DOCK7: variants seen among roughly 807,000 people sequenced by gnomAD.
The protein encoded by DOCK7 is dedicator of cytokinesis 7.
A neutral mutation model predicts 271.0 loss-of-function variants in DOCK7; 138 were observed. The observed-to-expected ratio is 0.51, with a 90% CI of 0.44 to 0.59. The LOEUF (loss-of-function observed/expected upper bound fraction) is 0.59. Ranked by LOEUF, DOCK7 falls within the 20% of genes least tolerant of loss-of-function variation. DOCK7 has a pLI of 0.00. For synonymous variants in DOCK7, 823 were observed against 876.1 expected, an observed-to-expected ratio of 0.94 and a Z score of 1.07; for missense variants, 2,066 against 2,592.4, an observed-to-expected ratio of 0.80 and a Z score of 4.41.
rs1645458484 is a variant in DOCK7 at position 62,539,570 on chromosome 1, C to T, written c.3275G>A (p.Ser1092Asn). Residue 1092 changes from serine to asparagine, a missense_variant, in exon 27 of 50, where the codon AGC becomes AAC. Coordinates refer to ENST00000635253, the MANE Select transcript of DOCK7 (RefSeq NM_001367561.1). ...CTGTTTATAGCAGGACTTTATAAGGCTAAAAACAAATCCTCTGTCCATAAC... is the reference window on the plus strand; with the variant it reads ...CTGTTTATAGCAGGACTTTATAAGGTTAAAAACAAATCCTCTGTCCATAAC... ...LSVMDRGFVF[S>N]LIKSCYKQVS... 1 of 1,612,466 alleles carries T rather than the reference C, an allele frequency of 6.2e-7. No individual in the cohort carries two copies. Among genetic ancestry groups the T allele is most frequent in the African/African-American group, 1.3e-5 (1 of 74,822 alleles).
At chr1:62,576,420 T>C (rs1286913952) in intron 18 of DOCK7, among the ~76,000 whole-genome samples, 1 of 152,198 alleles carries the variant, frequency 6.6e-6, no homozygotes, top group Non-Finnish European at 1.5e-5. Flanking sequence ...ACTTTTCGTG[T>C]GTAAGGAACA....
At chr1:62,612,379 G>C (rs1651903909) in intron 14 of DOCK7, among the ~76,000 whole-genome samples, 1 of 151,626 alleles carries the variant, frequency 6.6e-6, no homozygotes, top group African/African-American at 2.4e-5. Flanking sequence ...GGACAGTCAG[G>C]GGGTTGGGTG....
At chr1:62,588,498 T>C (rs1282903614) in intron 14 of DOCK7, among the ~76,000 whole-genome samples, 1 of 152,200 alleles carries the variant, frequency 6.6e-6, no homozygotes, top group Non-Finnish European at 1.5e-5. Context: ...CTCTGTAGAT[T>C]TTCCAGAGCC....
At chr1:62,477,615 A>T in intron 44 of DOCK7, 85 bp downstream of exon 44, 1 of 1,387,700 alleles carries the variant, frequency 7.2e-7, no homozygotes, top group South Asian at 1.9e-5. Context: ...TGGCTTACTA[A>T]ATGATTAGAT....
At position 62,496,257 on chromosome 1, in the gene DOCK7, T is replaced by C. The variant is rs1168038; in HGVS notation, c.4923+82A>G. The C allele has an allele frequency of 1, 1,547,691 of 1,552,666 alleles. 771,479 individuals carry two copies. The highest frequency in any genetic ancestry group is 1 in the East Asian group (43,995 of 43,996). On this transcript the variant is annotated intron_variant, in intron 38 of 49. Transcript: ENST00000635253. ...GAAATAAATGATCCTCCAGCAAAAA[T>C]CAACTTTTGATTTAACAATTTGGAA...
chr1:62,481,453 A>G (rs138229934), intron 43 of DOCK7: 1 of 152,172 alleles, frequency 6.6e-6, no homozygotes, highest in Non-Finnish European at 1.5e-5. Context: ...GCACAGTCAT[A>G]TTGCTTCGCC....
chr1:62,614,299 T>G (rs1181905324), intron 14 of DOCK7, among the ~76,000 whole-genome samples: 1 of 152,106 alleles, frequency 6.6e-6, no homozygotes, highest in Non-Finnish European at 1.5e-5. Context: ...TATTTCTACC[T>G]ATGCTAGGTT....
At chr1:62,462,412 G>A (rs1645556501) in intron 48 of DOCK7, among the ~76,000 whole-genome samples, 2 of 152,236 alleles carry the variant, frequency 1.3e-5, no homozygotes, top group Admixed American at 1.3e-4. Flanking sequence ...CAGTAGTTAA[G>A]AGAGCATGAC....
At chr1:62,488,797 A>C in intron 42 of DOCK7, 137 bp downstream of exon 42, 1 of 1,115,500 alleles carries the variant, frequency 9.0e-7, no homozygotes, top group Non-Finnish European at 1.3e-6. Flanking sequence ...GCCATGAACT[A>C]TCATTTTGAC....
chr1:62,553,312 T>TTATA (rs1370176103), intron 21 of DOCK7, among the ~76,000 whole-genome samples: 11 of 20,572 alleles, frequency 5.3e-4, no homozygotes, highest in Middle Eastern at 0.045. Flanking sequence ...AAAAAGTATT[T>TTATA]TATATATATA....
At chr1:62,466,572 C>T (rs1354381171) in intron 48 of DOCK7, among the ~76,000 whole-genome samples, 1 of 152,190 alleles carries the variant, frequency 6.6e-6, no homozygotes, top group Non-Finnish European at 1.5e-5. Context: ...TTGGACATTG[C>T]ATCTGGCCAC....
intron 42 of DOCK7, chr1:62,487,644 AG>A (rs940911263): frequency 2.3e-5 from 10 of 426,444 alleles, no homozygotes; most frequent in Non-Finnish European, 3.4e-5. Context: ...TACAAATTTT[AG>A]GGAAAGAGAG....
Position 62,457,655 on chromosome 1 carries a change from T to A in DOCK7, c.6263A>T (p.Lys2088Met). Residue 2088 changes from lysine (K) to methionine (M), a missense_variant, in exon 49 of 50, where the codon AAG (lysine) becomes ATG (methionine). Lys to Met is a moderately conservative substitution (Grantham distance 95, BLOSUM62 -1). This residue lies in a region of DOCK7 where 652 missense variants were observed against 922.1 expected (regional missense o/e 0.71). Coordinates refer to ENST00000635253, the MANE Select transcript of DOCK7 (RefSeq NM_001367561.1). ...KNKSLIGPDQKEYQRELERNY... is the reference protein window; with the variant it reads ...KNKSLIGPDQMEYQRELERNY... ...TCTCTCCAGTTCCCTTTGATACTCC[T>A]TTTGATCCGGCCCAATTAAGCTCTT... The A allele has an allele frequency of 2.5e-6, 4 of 1,614,186 alleles. No homozygotes were observed. The highest frequency in any genetic ancestry group is 3.4e-6 in the Non-Finnish European group (4 of 1,180,034).
chr1:62,648,209 A>T lies in DOCK7; in HGVS notation c.629T>A (p.Leu210Ter), dbSNP rs1656911530. The T allele has an allele frequency of 1.2e-6, 2 of 1,613,750 alleles. No individual in the cohort carries two copies. The highest frequency in any genetic ancestry group is 1.7e-6 in the Non-Finnish European group (2 of 1,179,784). Reference protein sequence around the residue: ...NSLPDALLPNLLDRTPNEEID... With the variant: ...NSLPDALLPN ...TTCTTCATTTGGAGTTCGATCAAGT[A>T]AATTGGGAAGCAAAGCATCAGGAAG... Residue 210 changes from leucine to a stop codon, truncating the protein, a stop_gained, in exon 6 of 50, where the codon TTA (leucine) becomes TAA (stop). Coordinates refer to ENST00000635253, the MANE Select transcript of DOCK7 (RefSeq NM_001367561.1). LOFTEE classifies it high-confidence loss of function.
chr1:62,617,948 C>A (rs1165315712), intron 14 of DOCK7, among the ~76,000 whole-genome samples: 1 of 151,754 alleles, frequency 6.6e-6, no homozygotes, highest in Non-Finnish European at 1.5e-5. Context: ...ATAATAATTC[C>A]AAAAATTTTG....
intron 21 of DOCK7, among the ~76,000 whole-genome samples, chr1:62,553,312 TTA>T (rs1370176103): frequency 1.3e-3 from 27 of 20,586 alleles, no homozygotes; most frequent in South Asian, 3.3e-3. Context: ...AAAAAGTATT[TTA>T]TATATATATA....
At position 62,532,508 on chromosome 1, in the gene DOCK7, T is replaced by A. The variant is rs529251545; in HGVS notation, c.3611+2985A>T. ...CACCATGTACGGCTAATTAAAAAAATTTTTTTGGTACAGACAGGGTCTCAC... is the reference window on the plus strand; with the variant it reads ...CACCATGTACGGCTAATTAAAAAAAATTTTTTGGTACAGACAGGGTCTCAC... On this transcript the variant is annotated intron_variant, in intron 29 of 49. Transcript: ENST00000635253. Among the ~76,000 whole-genome samples the A allele has an allele frequency of 2.3e-4, 35 of 152,212 alleles. No homozygotes were observed. In the South Asian group the frequency reaches 4.8e-3, roughly 21 times the overall value.
intron 1 of DOCK7, among the ~76,000 whole-genome samples, chr1:62,682,024 GA>G (rs1309355554): frequency 2.0e-5 from 3 of 149,146 alleles, no homozygotes; most frequent in Admixed American, 2.0e-4. Flanking sequence ...ATTTAGGAAA[GA>G]AAAGGAAGAA....
intron 22 of DOCK7, among the ~76,000 whole-genome samples, chr1:62,551,578 T>G (rs545059412): frequency 6.6e-6 from 1 of 152,138 alleles, no homozygotes; most frequent in East Asian, 1.9e-4. Context: ...AAATGAAGGG[T>G]AGCTATAAAT....
Sources: gnomAD v4.1 joint callset for allele counts (sites outside exome capture counted in the v4.1 genomes callset) on GRCh38, gnomAD v4.1.1 for gene constraint, gnomAD v4.1.1 regional missense constraint, MANE v1.5 for transcripts, NCBI Gene and HGNC (gene_info 2026-07-23, HGNC 2026-07-21) for gene names.